The following ACSS3 variants were observed in gnomAD, a reference collection of about 807,000 sequenced individuals.
The protein encoded by ACSS3 is acyl-CoA synthetase short chain family member 3.
In ACSS3, 64 loss-of-function variants were observed where a neutral mutation model predicts 84.2. The ratio of observed to expected loss-of-function variants is 0.76; its 90% CI spans 0.62 to 0.94. ACSS3 has a LOEUF of 0.94. ACSS3 is among the 40% of genes least tolerant of loss of function. ACSS3 has a pLI of 0.00. For missense variants in ACSS3, 815 were observed against 867.6 expected (o/e 0.94, Z 0.76); for synonymous variants, 317 against 310.1 (o/e 1.02, Z -0.23).
Position 81,109,650 on chromosome 12 carries a change from C to G in ACSS3, c.402C>G (p.Asp134Glu), listed in dbSNP as rs780154222. 2.7e-5 allele frequency: 44 copies of G among 1,611,912 alleles called. 1 individual carries two copies. The highest frequency in any genetic ancestry group is 3.7e-5 in the Non-Finnish European group (44 of 1,179,020). ...GGGATAAGATTGCTATCATCTATGA[C>G]AGTCCTGTTACAAACACTAAAGCAA... ...GKGDKIAIIY[D>E]SPVTNTKATF... Residue 134 changes from aspartate to glutamate, a missense_variant, in exon 2 of 16, where the codon GAC (aspartate) becomes GAG (glutamate). Coordinates refer to ENST00000548058, the MANE Select transcript of ACSS3 (RefSeq NM_024560.4).
intron 9 of ACSS3, 41 bp downstream of exon 9, chr12:81,199,485 G>A: frequency 6.3e-7 from 1 of 1,577,152 alleles, no homozygotes; most frequent in East Asian, 2.3e-5. Context: ...GTAAAGAAAT[G>A]TTCCAAAAAG....
At chr12:81,184,290 G>A (rs1208522911) in intron 8 of ACSS3, among the ~76,000 whole-genome samples, 1 of 151,884 alleles carries the variant, frequency 6.6e-6, no homozygotes, top group African/African-American at 2.4e-5. Context: ...TGCAGCAAAA[G>A]CAGTTCCAGG....
intron 2 of ACSS3, among the ~76,000 whole-genome samples, chr12:81,110,505 G>T (rs140387868): frequency 6.6e-6 from 1 of 152,178 alleles, no homozygotes; most frequent in Non-Finnish European, 1.5e-5. Flanking sequence ...GGGAATTGTG[G>T]ACTGTGGGAA....
rs1310486367 is a variant in ACSS3, at chr12:81,213,923, TCC to T, written c.1355-2977_1355-2976del. On this transcript the variant is annotated intron_variant, in intron 9 of 15. Transcript: ENST00000548058. ...TTTTGTCCTTCCTTCCTTCCTTCCTTCCTTCCTTCCTTTCTCTCTCTCTCTCC... is the reference window on the plus strand; with the variant it reads ...TTTTGTCCTTCCTTCCTTCCTTCCTTTTCCTTCCTTTCTCTCTCTCTCTCC... 7.5e-4 allele frequency among the ~76,000 whole-genome samples: 75 copies of T among 99,826 alleles called. 4 individuals are homozygous for T. Among genetic ancestry groups the T allele is most frequent in the African/African-American group, 3.1e-3 (72 of 23,562 alleles). The allele number at this position is 99,826 out of a possible 152,430, so 65.5% of individuals were successfully genotyped here.
At chr12:81,098,104 T>C (rs1882199435) in intron 1 of ACSS3, among the ~76,000 whole-genome samples, 1 of 151,552 alleles carries the variant, frequency 6.6e-6, no homozygotes, top group South Asian at 2.1e-4. Context: ...ATAAGGTGAA[T>C]TGGCATATCT....
At chr12:81,125,997 GA>G (rs1457362371) in intron 2 of ACSS3, among the ~76,000 whole-genome samples, 5 of 152,140 alleles carry the variant, frequency 3.3e-5, no homozygotes, top group African/African-American at 1.2e-4. Flanking sequence ...TAAGAATGTG[GA>G]AAGCACTTAC....
intron 13 of ACSS3, among the ~76,000 whole-genome samples, chr12:81,239,140 T>A (rs1352897049): frequency 1.3e-5 from 2 of 151,944 alleles, no homozygotes; most frequent in African/African-American, 4.8e-5. Context: ...TGTTGTTTAA[T>A]CTCCAATAAT....
chr12:81,196,470 A>G (rs11830493), intron 8 of ACSS3, among the ~76,000 whole-genome samples: 1 of 152,038 alleles, frequency 6.6e-6, no homozygotes. Context: ...AGCTAATTTG[A>G]CCTTATTCTT....
intron 2 of ACSS3, among the ~76,000 whole-genome samples, chr12:81,128,180 AT>A (rs36069410): frequency 0.064 from 9,610 of 149,790 alleles, 441 homozygotes; most frequent in Middle Eastern, 0.12. Flanking sequence ...CCTGTATGTG[AT>A]TTTTTTTTTC....
At chr12:81,108,754 G>T (rs1565979926) in intron 1 of ACSS3, among the ~76,000 whole-genome samples, 1 of 151,986 alleles carries the variant, frequency 6.6e-6, no homozygotes, top group East Asian at 1.9e-4. Flanking sequence ...ACTATATTTG[G>T]TAGTCTGACA....
At position 81,253,648 on chromosome 12, in the gene ACSS3, T is replaced by C; in HGVS notation, c.1973T>C (p.Ile658Thr). 1 of 1,613,740 alleles carries C rather than the reference T, an allele frequency of 6.2e-7. No homozygotes were observed. Among genetic ancestry groups the C allele is most frequent in the Non-Finnish European group, 8.5e-7 (1 of 1,179,738 alleles). Residue 658 changes from isoleucine to threonine, a missense_variant, in exon 15 of 16, where the codon ATT becomes ACT. Ile to Thr is a moderately conservative substitution (Grantham distance 89). Coordinates refer to ENST00000548058, the MANE Select transcript of ACSS3 (RefSeq NM_024560.4). ...ATCCCCCGATCAGCTTTATCTGCCATTGTCAATGGCAAGCCATACAAGGTA... is the reference window on the plus strand; with the variant it reads ...ATCCCCCGATCAGCTTTATCTGCCACTGTCAATGGCAAGCCATACAAGGTA... ...GKIPRSALSA[I>T]VNGKPYKITS...
intron 9 of ACSS3, among the ~76,000 whole-genome samples, chr12:81,216,523 G>A (rs2032922132): frequency 6.6e-6 from 1 of 152,156 alleles, no homozygotes; most frequent in African/African-American, 2.4e-5. Context: ...AACTTTAGGT[G>A]AGTCAAGAGA....
intron 7 of ACSS3, among the ~76,000 whole-genome samples, chr12:81,157,559 A>C (rs532510758): frequency 1.3e-5 from 2 of 152,366 alleles, no homozygotes; most frequent in African/African-American, 4.8e-5. Context: ...CTGTAATCCC[A>C]GCACTTTGGG....
At chr12:81,212,149 G>A (rs1450021457) in intron 9 of ACSS3, among the ~76,000 whole-genome samples, 2 of 151,872 alleles carry the variant, frequency 1.3e-5, no homozygotes, top group African/African-American at 2.4e-5. Context: ...TCCTTTTTCC[G>A]TTAGTATTTA....
chr12:81,200,433 G>A (rs1426988792), intron 9 of ACSS3, among the ~76,000 whole-genome samples: 3 of 152,176 alleles, frequency 2.0e-5, no homozygotes, highest in African/African-American at 7.2e-5. Context: ...TTAAAAATTA[G>A]TGAGATTACT....
At chr12:81,202,222 T>C (rs997328201) in intron 9 of ACSS3, among the ~76,000 whole-genome samples, 1 of 151,928 alleles carries the variant, frequency 6.6e-6, no homozygotes, top group Non-Finnish European at 1.5e-5. Flanking sequence ...GAGCTTGCAG[T>C]GAGCTGAGAT....
intron 2 of ACSS3, among the ~76,000 whole-genome samples, chr12:81,115,824 G>T (rs1426857540): frequency 6.6e-6 from 1 of 152,000 alleles, no homozygotes; most frequent in Non-Finnish European, 1.5e-5. Flanking sequence ...GAAGACATTT[G>T]CCCCTGTTTA....
chr12:81,150,166 AT>A (rs1886540400), intron 5 of ACSS3, among the ~76,000 whole-genome samples: 2 of 152,160 alleles, frequency 1.3e-5, no homozygotes, highest in Admixed American at 1.3e-4. Flanking sequence ...TGGTCTAAAC[AT>A]TTACCTAGTT....
chr12:81,080,205 T>A (rs188306583), intron 1 of ACSS3, among the ~76,000 whole-genome samples: 5 of 152,148 alleles, frequency 3.3e-5, no homozygotes, highest in Admixed American at 2.6e-4. Context: ...AAAGGACAGA[T>A]TGGAGTGATT....
Sources: allele counts gnomAD v4.1 joint callset (sites outside exome capture counted in the v4.1 genomes callset), GRCh38; gene constraint gnomAD v4.1.1; transcripts MANE v1.5; gene names NCBI Gene and HGNC (gene_info 2026-07-23, HGNC 2026-07-21).